The following TSPAN5 variants were observed in gnomAD, a reference collection of about 807,000 sequenced individuals.
The protein encoded by TSPAN5 is tetraspanin 5, also known as tetraspanin-5.
TSPAN5 carries 10 observed loss-of-function variants against 37.1 expected under a neutral mutation model. That is an observed-to-expected ratio of 0.27 (90% CI 0.17 to 0.46). The LOEUF (loss-of-function observed/expected upper bound fraction) is 0.46. Ranked by LOEUF, TSPAN5 falls within the 20% of genes least tolerant of loss-of-function variation. TSPAN5 has a pLI of 1.00. For missense variants in TSPAN5, 195 were observed against 326.6 expected, an observed-to-expected ratio of 0.60 and a Z score of 3.11; for synonymous variants, 110 against 118.9, an observed-to-expected ratio of 0.93 and a Z score of 0.48.
intron 3 of TSPAN5, chr4:98,485,632 C>T (rs1284247751): frequency 6.6e-6 from 1 of 151,946 alleles, no homozygotes; most frequent in Non-Finnish European, 1.5e-5. Flanking sequence ...AAATGGGCTG[C>T]CCTGGGTGGG....
chr4:98,562,616 G>A (rs763510794), intron 1 of TSPAN5, among the ~76,000 whole-genome samples: 22 of 152,128 alleles, frequency 1.4e-4, no homozygotes, highest in East Asian at 3.9e-4. Context: ...AGCCGAGATC[G>A]CGCCACTGCA....
intron 1 of TSPAN5, among the ~76,000 whole-genome samples, chr4:98,611,141 G>A (rs149529622): frequency 9.9e-5 from 15 of 152,136 alleles, no homozygotes; most frequent in African/African-American, 1.9e-4. Flanking sequence ...TCTGGACTAC[G>A]ATCTGAGGAC....
chr4:98,633,488 T>C (rs1207726231), intron 1 of TSPAN5, among the ~76,000 whole-genome samples: 1 of 152,206 alleles, frequency 6.6e-6, no homozygotes, highest in African/African-American at 2.4e-5. Context: ...ACAGAGATGG[T>C]ATTCAAATCT....
At chr4:98,540,041 C>G (rs1433866542) in intron 1 of TSPAN5, among the ~76,000 whole-genome samples, 3 of 142,800 alleles carry the variant, frequency 2.1e-5, no homozygotes, top group African/African-American at 7.8e-5. Flanking sequence ...AGAGCCTCAA[C>G]TCACAGCTTG....
intron 1 of TSPAN5, among the ~76,000 whole-genome samples, chr4:98,642,461 A>G (rs914204986): frequency 6.6e-6 from 1 of 152,180 alleles, no homozygotes; most frequent in Non-Finnish European, 1.5e-5. Flanking sequence ...AGTTTCTAAA[A>G]TGGATCTCCA....
chr4:98,573,911 C>A (rs769016154), intron 1 of TSPAN5, among the ~76,000 whole-genome samples: 21 of 149,244 alleles, frequency 1.4e-4, no homozygotes, highest in Non-Finnish European at 2.5e-4. Flanking sequence ...ATTAACACTG[C>A]TCTTATGATG....
At chr4:98,634,313 G>A (rs1756809920) in intron 1 of TSPAN5, among the ~76,000 whole-genome samples, 1 of 152,070 alleles carries the variant, frequency 6.6e-6, no homozygotes, top group African/African-American at 2.4e-5. Context: ...TGGGTACAAG[G>A]GGCCTTTTGC....
Position 98,513,239 on chromosome 4 carries a change from C to A in TSPAN5, c.82-5511G>T, listed in dbSNP as rs897078666. Among the ~76,000 whole-genome samples the A allele has an allele frequency of 3.3e-5, 5 of 152,082 alleles. No homozygotes were observed. In the East Asian group the frequency reaches 9.6e-4, roughly 29 times the overall value. The stretch of plus-strand genomic sequence containing the variant: ...TGCAATTAGAGACACGAGCATGGAC[C>A]AGCCCATGCAGGCCTTGTAGCCCAC... On this transcript the variant is annotated intron_variant, in intron 1 of 7. Transcript: ENST00000305798.
chr4:98,568,493 G>A (rs1013533181), intron 1 of TSPAN5, among the ~76,000 whole-genome samples: 1 of 152,010 alleles, frequency 6.6e-6, no homozygotes, highest in African/African-American at 2.4e-5. Flanking sequence ...AGTGACCCGA[G>A]ATCACTCCAC....
intron 1 of TSPAN5, among the ~76,000 whole-genome samples, chr4:98,537,080 C>T (rs959516728): frequency 1.3e-5 from 2 of 152,202 alleles, no homozygotes; most frequent in Non-Finnish European, 2.9e-5. Context: ...TCGGCGTCTG[C>T]CCAAATGGCC....
intron 1 of TSPAN5, among the ~76,000 whole-genome samples, chr4:98,576,867 C>A (rs149426501): frequency 6.6e-6 from 1 of 152,202 alleles, no homozygotes. Context: ...TCAAGTGATT[C>A]TCCTGCCTCA....
At chr4:98,476,554 T>C in intron 5 of TSPAN5, 94 bp from the exon 6 acceptor site, 2 of 1,141,736 alleles carry the variant, frequency 1.8e-6, no homozygotes, top group East Asian at 2.4e-5. Flanking sequence ...GCATTAGTAA[T>C]AAAATGTGTA....
chr4:98,617,048 C>A (rs1232220009), intron 1 of TSPAN5, among the ~76,000 whole-genome samples: 1 of 152,040 alleles, frequency 6.6e-6, no homozygotes. Flanking sequence ...TAGTCTTGAA[C>A]TCCTGAGCTC....
intron 3 of TSPAN5, chr4:98,484,589 G>A (rs1052704942): frequency 4.4e-6 from 2 of 455,780 alleles, no homozygotes; most frequent in Non-Finnish European, 8.8e-6. Context: ...GTTAACACTG[G>A]ACTCTTCAAC....
At chr4:98,589,849 A>G (rs1755585011) in intron 1 of TSPAN5, among the ~76,000 whole-genome samples, 1 of 152,150 alleles carries the variant, frequency 6.6e-6, no homozygotes, top group African/African-American at 2.4e-5. Context: ...CTAGCATGGG[A>G]ATGTCTCTGT....
intron 1 of TSPAN5, among the ~76,000 whole-genome samples, chr4:98,586,874 G>A (rs1755500496): frequency 6.6e-6 from 1 of 152,224 alleles, no homozygotes; most frequent in African/African-American, 2.4e-5. Flanking sequence ...CACCAAGCCA[G>A]CGGCATGCAC....
At chr4:98,612,976 A>AAAAACAAT (rs1426888596) in intron 1 of TSPAN5, among the ~76,000 whole-genome samples, 2 of 152,046 alleles carry the variant, frequency 1.3e-5, no homozygotes, top group Non-Finnish European at 2.9e-5. Context: ...ACAATTTACA[A>AAAAACAAT]TTATGGTTTT....
At chr4:98,512,426 TC>T (rs1171960670) in intron 1 of TSPAN5, among the ~76,000 whole-genome samples, 1 of 152,194 alleles carries the variant, frequency 6.6e-6, no homozygotes, top group East Asian at 1.9e-4. Flanking sequence ...TCTTTTAATT[TC>T]TAGGCATCAA....
Position 98,482,108 on chromosome 4 carries a change from T to C in TSPAN5, c.347A>G (p.Lys116Arg). The C allele has an allele frequency of 6.2e-7, 1 of 1,614,152 alleles. No homozygotes were observed. The highest frequency in any genetic ancestry group is 2.2e-5 in the East Asian group (1 of 44,874). ...LTAGVLAFVFKDWIKDQLYFF... is the reference protein window; with the variant it reads ...LTAGVLAFVFRDWIKDQLYFF... Reference sequence around the variant, plus strand: ...ATACAGCTGGTCTTTGATCCAGTCTTTGAAAACAAATGCTAGAACTCCGGC... The same window carrying C: ...ATACAGCTGGTCTTTGATCCAGTCTCTGAAAACAAATGCTAGAACTCCGGC... Residue 116 changes from lysine (K) to arginine (R), a missense_variant, in exon 4 of 8, where the codon AAA becomes AGA. Physicochemically the swap from Lys to Arg is conservative, Grantham distance 26 (BLOSUM62 2). Transcript: ENST00000305798.
Sources: allele counts gnomAD v4.1 joint callset (sites outside exome capture counted in the v4.1 genomes callset), GRCh38; gene constraint gnomAD v4.1.1; transcripts MANE v1.5; gene names NCBI Gene and HGNC (gene_info 2026-07-23, HGNC 2026-07-21).